Variants in FRMD8 observed in about 807,000 individuals in gnomAD.
The protein encoded by FRMD8 is FERM domain-containing protein 8.
FRMD8 carries 37 observed loss-of-function variants against 54.2 expected under a neutral mutation model. That is an observed-to-expected ratio of 0.68 (90% CI 0.53 to 0.90). The LOEUF (loss-of-function observed/expected upper bound fraction) is 0.90. Among genes scored for constraint, FRMD8 ranks in the 40% least tolerant of loss-of-function variants. The pLI is 0.00. For missense variants in FRMD8, 585 were observed against 653.7 expected (o/e 0.89, Z 1.15); for synonymous variants, 246 against 286.9 (o/e 0.86, Z 1.44).
At position 65,400,913 on chromosome 11, in the gene FRMD8, G is replaced by C; in HGVS notation, c.1071+46G>C. The C allele has an allele frequency of 6.5e-7, 1 of 1,543,550 alleles. No individual in the cohort carries two copies. Among genetic ancestry groups the C allele is most frequent in the East Asian group, 2.3e-5 (1 of 43,456 alleles). Reference sequence around the variant, plus strand: ...ACACGGGTGGGGAGGCTGGGCCCAGGTGCCCTGGGTCCCAGACAATTAGAG... The same window carrying C: ...ACACGGGTGGGGAGGCTGGGCCCAGCTGCCCTGGGTCCCAGACAATTAGAG... On this transcript the variant is annotated intron_variant, in intron 9 of 10. Transcript: ENST00000317568. This position sits in a 1 kb window ranked among gnomAD's most constrained non-coding sequence, Gnocchi z 4.3.
At chr11:65,391,557 T>C (rs962891056) in intron 3 of FRMD8, among the ~76,000 whole-genome samples, 1 of 152,024 alleles carries the variant, frequency 6.6e-6, no homozygotes, top group Admixed American at 6.6e-5. Context: ...GTTGCCCAGG[T>C]TGGAGTGCAG....
chr11:65,368,327 C>T, the FRMD8 span, among the ~76,000 whole-genome samples: 154 of 152,046 alleles, frequency 1.0e-3, 1 homozygote, highest in South Asian at 2.7e-3. Context: ...CCGCCCACCT[C>T]GGCCTCCCAA....
the FRMD8 span, among the ~76,000 whole-genome samples, chr11:65,368,257 G>A: frequency 1.3e-5 from 2 of 151,852 alleles, no homozygotes; most frequent in South Asian, 4.2e-4. Context: ...TATATTTTTA[G>A]TAGAGACGGG....
intron 3 of FRMD8, among the ~76,000 whole-genome samples, chr11:65,392,233 G>A (rs1855860595): frequency 6.6e-6 from 1 of 152,202 alleles, no homozygotes; most frequent in Non-Finnish European, 1.5e-5. Context: ...TGGGTGGAAG[G>A]GCTGTGGGCA....
chr11:65,372,260 G>T, the FRMD8 span, among the ~76,000 whole-genome samples: 1 of 152,234 alleles, frequency 6.6e-6, no homozygotes, highest in Admixed American at 6.6e-5. Flanking sequence ...CCCCATCTTT[G>T]TCTTTCTGCC....
chr11:65,376,241 C>A, the FRMD8 span: 1 of 837,066 alleles, frequency 1.2e-6, no homozygotes, highest in Non-Finnish European at 1.8e-6. Flanking sequence ...TGGCTTCCGG[C>A]TCCCACAGGT....
chr11:65,378,572 A>AG, the FRMD8 span: 1 of 152,260 alleles, frequency 6.6e-6, no homozygotes, highest in African/African-American at 2.4e-5. Flanking sequence ...GGGCAGAAGA[A>AG]AAGCCGGGGC....
Position 65,387,099 on chromosome 11 carries a change from CGT to C in FRMD8, c.66_67del (p.Ser23LeufsTer8). 6.2e-7 allele frequency: 1 copy of C among 1,607,006 alleles called. No homozygotes were observed. ...CCGCTGAGCGATCCCACCGAAGCAG[CGT>C]GTCCTCCGTGGGAGCCCGAGGTGGG... is the stretch of plus-strand genomic sequence containing the variant. The part of the protein sequence containing the change: ...GPAERSHRSS[V>X]SSVGARAADV... On this transcript the variant is annotated frameshift_variant, in exon 2 of 11. Coordinates refer to ENST00000317568, the MANE Select transcript of FRMD8 (RefSeq NM_031904.5). LOFTEE classifies it high-confidence loss of function.
chr11:65,371,042 A>G, the FRMD8 span, among the ~76,000 whole-genome samples: 1 of 152,252 alleles, frequency 6.6e-6, no homozygotes, highest in African/African-American at 2.4e-5. Flanking sequence ...GGGCTGGGGA[A>G]CTTGAGGTGC....
the FRMD8 span, among the ~76,000 whole-genome samples, chr11:65,371,160 C>T: frequency 1.8e-4 from 28 of 152,240 alleles, no homozygotes; most frequent in African/African-American, 6.7e-4. Flanking sequence ...AGCATGGACC[C>T]CCTTGGCTCA....
At chr11:65,370,646 C>G in the FRMD8 span, among the ~76,000 whole-genome samples, 4 of 151,076 alleles carry the variant, frequency 2.6e-5, no homozygotes, top group Non-Finnish European at 3.0e-5. Flanking sequence ...ATCGCAGTGA[C>G]CCGAGATCTT....
intron 6 of FRMD8, among the ~76,000 whole-genome samples, chr11:65,396,109 C>T (rs1222881903): frequency 2.6e-5 from 4 of 152,184 alleles, no homozygotes; most frequent in Non-Finnish European, 5.9e-5. Context: ...GGCCTGGTGA[C>T]TCCTCGTGTC....
chr11:65,372,242 C>T, the FRMD8 span, among the ~76,000 whole-genome samples: 2 of 152,166 alleles, frequency 1.3e-5, no homozygotes, highest in Non-Finnish European at 1.5e-5. Flanking sequence ...CTCTCTGGCC[C>T]CTTCCTGCCC....
Position 65,393,499 on chromosome 11 carries a change from C to T in FRMD8, c.254-74C>T, listed in dbSNP as rs1261420148. 1.1e-4 allele frequency: 115 copies of T among 1,086,552 alleles called. 1 individual carries two copies. Among genetic ancestry groups the T allele is most frequent in the Middle Eastern group, 5.4e-4 (2 of 3,684 alleles). The allele number at this position is 1,086,552 out of a possible 1,614,324, so 67.3% of individuals were successfully genotyped here. On this transcript the variant is annotated intron_variant, in intron 3 of 10. Transcript: ENST00000317568. ...TGGTTGCGACTGTCGTCATGCTGTG[C>T]GGTGTGATAGGTGGAAGGGCAGCCA...
rs578003902 is a variant in FRMD8 at position 65,411,238 on chromosome 11, G to A, written c.1277-4G>A. On this transcript the variant is annotated splice_polypyrimidine_tract_variant and splice_region_variant and intron_variant, in intron 10 of 10. Transcript: ENST00000317568. ...GCTCAGTGTGCCCTCCCATTCCCTC[G>A]CAGGCAAGGGGATCAGGCGAGTGAA... The A allele has an allele frequency of 1.4e-5, 23 of 1,602,972 alleles. No individual in the cohort carries two copies. Among genetic ancestry groups the A allele is most frequent in the Middle Eastern group, 2.3e-4 (1 of 4,440 alleles).
chr11:65,410,679 T>C (rs1856310469), intron 10 of FRMD8, among the ~76,000 whole-genome samples: 1 of 151,210 alleles, frequency 6.6e-6, no homozygotes, highest in African/African-American at 2.4e-5. Context: ...AGTCCCAGCT[T>C]CTCAGGAGGC....
intron 10 of FRMD8, among the ~76,000 whole-genome samples, chr11:65,409,188 T>C (rs1856274953): frequency 6.6e-6 from 1 of 152,088 alleles, no homozygotes; most frequent in African/African-American, 2.4e-5. Flanking sequence ...CGGGTTCAAG[T>C]GATTCTCCCT....
At chr11:65,408,107 T>G (rs1033304344) in intron 10 of FRMD8, among the ~76,000 whole-genome samples, 1 of 150,112 alleles carries the variant, frequency 6.7e-6, no homozygotes, top group Non-Finnish European at 1.5e-5. Flanking sequence ...GGAGTTTCAC[T>G]CTTGTTGCCC....
At chr11:65,381,922 C>A, upstream of FRMD8, 1 of 1,614,160 alleles carries the variant, frequency 6.2e-7, no homozygotes, top group South Asian at 1.1e-5. Context: ...CACCAGAGAT[C>A]CAGCCAGCCA....
Sources: gnomAD v4.1 joint callset for allele counts (sites outside exome capture counted in the v4.1 genomes callset) on GRCh38, gnomAD v4.1.1 for gene constraint, Gnocchi (gnomAD v3.1) non-coding constraint, MANE v1.5 for transcripts, NCBI Gene and HGNC (gene_info 2026-07-23, HGNC 2026-07-21) for gene names.